NKAIN2: variants seen among roughly 807,000 people sequenced by gnomAD.
NKAIN2 encodes the protein sodium/potassium transporting ATPase interacting 2, also known as sodium/potassium-transporting ATPase subunit beta-1-interacting protein 2.
NKAIN2 carries 14 observed loss-of-function variants against 32.6 expected under a neutral mutation model. The observed-to-expected ratio is 0.43, with a 90% CI of 0.28 to 0.67. NKAIN2 has a LOEUF of 0.67. NKAIN2 is among the 30% of genes least tolerant of loss of function. The pLI, the probability that NKAIN2 is intolerant of heterozygous loss-of-function variation, is 0.17. For synonymous variants in NKAIN2, 80 were observed against 87.2 expected, an observed-to-expected ratio of 0.92 and a Z score of 0.46; for missense variants, 198 against 258.3, an observed-to-expected ratio of 0.77 and a Z score of 1.60.
At chr6:124,465,630 TAA>T (rs5879736) in intron 3 of NKAIN2, among the ~76,000 whole-genome samples, 9 of 140,814 alleles carry the variant, frequency 6.4e-5, no homozygotes, top group Admixed American at 7.2e-5. Context: ...AAAGTAAAGT[TAA>T]AAAAAAAAAA....
intron 1 of NKAIN2, among the ~76,000 whole-genome samples, chr6:123,959,648 G>C (rs1777751499): frequency 6.6e-6 from 1 of 152,080 alleles, no homozygotes; most frequent in Non-Finnish European, 1.5e-5. Context: ...CATGCATAGA[G>C]CAGAAATATA....
chr6:124,591,178 G>A (rs1781897572), intron 3 of NKAIN2, among the ~76,000 whole-genome samples: 1 of 152,164 alleles, frequency 6.6e-6, no homozygotes, highest in South Asian at 2.1e-4. Context: ...AGCATTTGTG[G>A]TGCCACGAAT....
chr6:124,517,595 CCTT>C (rs1382206798), intron 3 of NKAIN2, among the ~76,000 whole-genome samples: 1 of 152,138 alleles, frequency 6.6e-6, no homozygotes, highest in East Asian at 1.9e-4. Context: ...TGCTCCTCCT[CCTT>C]CTTTTCAGTC....
At chr6:123,834,091 T>C (rs551120687) in intron 1 of NKAIN2, among the ~76,000 whole-genome samples, 1 of 152,242 alleles carries the variant, frequency 6.6e-6, no homozygotes, top group South Asian at 2.1e-4. Flanking sequence ...TGATTGACTT[T>C]GGTATATTAC....
At chr6:123,983,745 A>AT (rs10589453) in intron 1 of NKAIN2, among the ~76,000 whole-genome samples, 11 of 149,922 alleles carry the variant, frequency 7.3e-5, no homozygotes, top group African/African-American at 2.0e-4. Context: ...ATATATATAT[A>AT]TTTTTTTTTT....
intron 4 of NKAIN2, among the ~76,000 whole-genome samples, chr6:124,712,937 G>C (rs1352592339): frequency 6.6e-6 from 1 of 152,018 alleles, no homozygotes; most frequent in Non-Finnish European, 1.5e-5. Flanking sequence ...GTGAAAAGAG[G>C]CTTAGGTCTT....
chr6:124,220,419 A>G (rs1475641476), intron 1 of NKAIN2, among the ~76,000 whole-genome samples: 3 of 151,574 alleles, frequency 2.0e-5, no homozygotes, highest in African/African-American at 2.4e-5. Flanking sequence ...CTAATACACT[A>G]CTATAACATC....
chr6:124,029,191 A>G (rs1023449712), intron 1 of NKAIN2, among the ~76,000 whole-genome samples: 1 of 151,824 alleles, frequency 6.6e-6, no homozygotes, highest in Non-Finnish European at 1.5e-5. Context: ...TTGTTTAACA[A>G]TTAAACATGT....
intron 3 of NKAIN2, among the ~76,000 whole-genome samples, chr6:124,616,437 C>CTTTTTTTTTTTTTTTT (rs79406895): frequency 1.4e-5 from 1 of 70,466 alleles, no homozygotes; most frequent in African/African-American, 6.9e-5. Context: ...TCTTTTCTTT[C>CTTTTTTTTTTTTTTTT]TTTTTTTTTT....
intron 1 of NKAIN2, among the ~76,000 whole-genome samples, chr6:124,098,656 G>A (rs1784746334): frequency 6.6e-6 from 1 of 152,054 alleles, no homozygotes; most frequent in Admixed American, 6.6e-5. Context: ...GGATCATGAG[G>A]TCAGGAATTT....
chr6:123,835,118 G>T (rs1257837004), intron 1 of NKAIN2, among the ~76,000 whole-genome samples: 1 of 152,086 alleles, frequency 6.6e-6, no homozygotes. Flanking sequence ...CCTCATTTTA[G>T]CTGGATAAAT....
chr6:124,417,157 T>C (rs1774527011), intron 3 of NKAIN2, among the ~76,000 whole-genome samples: 1 of 152,206 alleles, frequency 6.6e-6, no homozygotes, highest in South Asian at 2.1e-4. Context: ...AGCTGTTAAA[T>C]GATTTGACAA....
intron 2 of NKAIN2, among the ~76,000 whole-genome samples, chr6:124,304,642 G>A (rs1414792923): frequency 2.0e-5 from 3 of 152,156 alleles, no homozygotes; most frequent in African/African-American, 4.8e-5. Flanking sequence ...TTGGCCAGGC[G>A]TGGTGGCTCA....
At chr6:123,923,944 TAATA>T (rs2114499667) in intron 1 of NKAIN2, among the ~76,000 whole-genome samples, 1 of 143,240 alleles carries the variant, frequency 7.0e-6, no homozygotes, top group East Asian at 2.0e-4. Flanking sequence ...AGTATAATAA[TAATA>T]AAAATAAAAA....
chr6:123,881,463 G>A (rs1292047240), intron 1 of NKAIN2, among the ~76,000 whole-genome samples: 1 of 152,212 alleles, frequency 6.6e-6, no homozygotes, highest in Non-Finnish European at 1.5e-5. Flanking sequence ...ATGAAATGCA[G>A]TTTACAGTGA....
chr6:124,809,606 T>C (rs1157685391), intron 5 of NKAIN2, among the ~76,000 whole-genome samples: 3 of 150,360 alleles, frequency 2.0e-5, no homozygotes, highest in African/African-American at 4.9e-5. Flanking sequence ...CCAAAAGCAA[T>C]GGCAACCAAA....
At chr6:124,786,337 A>T (rs771644651) in intron 4 of NKAIN2, among the ~76,000 whole-genome samples, 1 of 152,142 alleles carries the variant, frequency 6.6e-6, no homozygotes, top group South Asian at 2.1e-4. Context: ...AATAGGAAAG[A>T]TAGGGAAAGG....
At chr6:123,929,335 C>G (rs1371863621) in intron 1 of NKAIN2, among the ~76,000 whole-genome samples, 2 of 152,172 alleles carry the variant, frequency 1.3e-5, no homozygotes, top group East Asian at 3.9e-4. Context: ...AAATACTCAA[C>G]CTCCCTGAGT....
chr6:124,154,738 A>G (rs112821140), intron 1 of NKAIN2, among the ~76,000 whole-genome samples: 8 of 151,998 alleles, frequency 5.3e-5, no homozygotes, highest in African/African-American at 1.7e-4. Context: ...TTCTTATTTA[A>G]TGCCAAATTC....
Sources: allele counts gnomAD v4.1 joint callset (sites outside exome capture counted in the v4.1 genomes callset), GRCh38; gene constraint gnomAD v4.1.1; transcripts MANE v1.5; gene names NCBI Gene and HGNC (gene_info 2026-07-23, HGNC 2026-07-21).